Variants in EIF4B observed in about 807,000 individuals in gnomAD.
The protein encoded by EIF4B is eukaryotic translation initiation factor 4B.
EIF4B carries 8 observed loss-of-function variants against 79.3 expected under a neutral mutation model. The observed-to-expected ratio is 0.10, with a 90% CI of 0.06 to 0.18. The LOEUF (loss-of-function observed/expected upper bound fraction) is 0.18, where lower values mean the gene tolerates loss of function less well. EIF4B is among the 10% of genes least tolerant of loss of function. The pLI is 1.00. For missense variants in EIF4B, 515 were observed against 792.4 expected (o/e 0.65, Z 4.20); for synonymous variants, 238 against 274.7 (o/e 0.87, Z 1.32).
intron 1 of EIF4B, among the ~76,000 whole-genome samples, chr12:53,013,102 CTG>C (rs988532485): frequency 3.9e-5 from 6 of 152,198 alleles, no homozygotes; most frequent in East Asian, 1.9e-4. Context: ...AGTTGAGAAA[CTG>C]TGATCTACAA....
chr12:53,020,591 A>G (rs1263909135), intron 4 of EIF4B, among the ~76,000 whole-genome samples: 1 of 152,164 alleles, frequency 6.6e-6, no homozygotes, highest in Non-Finnish European at 1.5e-5. Flanking sequence ...CTCAGAAGAA[A>G]AAAGACTTTT....
At chr12:53,026,207 A>C (rs1827741319) in intron 6 of EIF4B, among the ~76,000 whole-genome samples, 1 of 152,190 alleles carries the variant, frequency 6.6e-6, no homozygotes, top group Admixed American at 6.5e-5. Flanking sequence ...TTAGAAATTC[A>C]GATTTTTTTT....
chr12:53,038,329 G>A (rs772129380), intron 11 of EIF4B, 27 bp from the exon 12 acceptor site: 3 of 1,559,140 alleles, frequency 1.9e-6, no homozygotes, highest in South Asian at 1.2e-5. Context: ...AACAACTGAT[G>A]AATGTGATTA....
In EIF4B at chr12:53,006,489, G is replaced by A; in HGVS notation, c.6G>A (p.Ala2=). 2 of 1,613,464 alleles carry A rather than the reference G, an allele frequency of 1.2e-6. No homozygotes were observed. The highest frequency in any genetic ancestry group is 1.7e-6 in the Non-Finnish European group (2 of 1,180,010). The change falls in exon 1 of 15, where the codon GCG becomes GCA. Residue 2 remains alanine, a synonymous_variant. Coordinates refer to ENST00000262056, the MANE Select transcript of EIF4B (RefSeq NM_001417.7). M[A]ASAKKKNKKG... is the part of the protein sequence containing the mutation. ...TTCTCTTTCCCTCTCCCAACATGGC[G>A]GCCTCAGGTGAGCGAGCAGCCGAGC...
chr12:53,039,207 C>T, intron 12 of EIF4B, 31 bp from the exon 13 acceptor site: 1 of 1,490,040 alleles, frequency 6.7e-7, no homozygotes, highest in Non-Finnish European at 9.2e-7. Flanking sequence ...TTTTACTTGC[C>T]TTTAATTTGT....
At chr12:53,018,635 G>A in intron 2 of EIF4B, 163 bp from the exon 3 acceptor site, 1 of 630,448 alleles carries the variant, frequency 1.6e-6, no homozygotes, top group African/African-American at 1.8e-5. Flanking sequence ...AATCTCAGAA[G>A]CTTCTCTTCG....
intron 5 of EIF4B, 173 bp downstream of exon 5, chr12:53,022,033 G>C (rs1319456489): frequency 1.4e-6 from 1 of 729,078 alleles, no homozygotes; most frequent in East Asian, 2.7e-5. Flanking sequence ...AGACATTGTA[G>C]TTGTCACAAT....
Position 53,022,596 on chromosome 12 carries a change from A to G in EIF4B, c.636A>G (p.Pro212=). ...RPATDSFDDY[P]PRRGDDSFGD... ...CTACAGACAGCTTTGATGACTACCCACCTAGAAGAGGTGATGATAGCTTTG... is the reference window on the plus strand; with the variant it reads ...CTACAGACAGCTTTGATGACTACCCGCCTAGAAGAGGTGATGATAGCTTTG... Residue 212 remains proline (P), a synonymous_variant, in exon 6 of 15, where the codon CCA becomes CCG. Transcript: ENST00000262056. 1 of 1,613,940 alleles carries G rather than the reference A, an allele frequency of 6.2e-7. No homozygotes were observed. The highest frequency in any genetic ancestry group is 8.5e-7 in the Non-Finnish European group (1 of 1,179,902).
At position 53,027,738 on chromosome 12, in the gene EIF4B, G is replaced by T. The variant is rs531630880; in HGVS notation, c.668-44G>T. On this transcript the variant is annotated intron_variant, in intron 6 of 14. Transcript: ENST00000262056. ...ATAGCTTACCGTGTTTCTATTAATGGTGTCAGAGAAAAGGGGATGGTGTTA... is the reference window on the plus strand; with the variant it reads ...ATAGCTTACCGTGTTTCTATTAATGTTGTCAGAGAAAAGGGGATGGTGTTA... 1.2e-4 allele frequency: 192 copies of T among 1,590,078 alleles called. 1 individual carries two copies. In the South Asian group the frequency reaches 2.0e-3, roughly 16 times the overall value.
intron 6 of EIF4B, among the ~76,000 whole-genome samples, chr12:53,027,516 G>T (rs1392179023): frequency 6.6e-6 from 1 of 151,980 alleles, no homozygotes; most frequent in Non-Finnish European, 1.5e-5. Context: ...TTAGTGTCTT[G>T]TGCTTTGTTT....
At chr12:53,012,955 G>C (rs765870556) in intron 1 of EIF4B, among the ~76,000 whole-genome samples, 1 of 152,116 alleles carries the variant, frequency 6.6e-6, no homozygotes, top group African/African-American at 2.4e-5. Flanking sequence ...CAGAGGAGGG[G>C]GAGACTTGTG....
chr12:53,026,074 T>C (rs1943329041), intron 6 of EIF4B, among the ~76,000 whole-genome samples: 1 of 151,936 alleles, frequency 6.6e-6, no homozygotes, highest in Admixed American at 6.6e-5. Context: ...CACTCCAGCT[T>C]GGGCGACAGA....
At chr12:53,014,169 C>T (rs530577101) in intron 1 of EIF4B, among the ~76,000 whole-genome samples, 5 of 151,740 alleles carry the variant, frequency 3.3e-5, no homozygotes, top group Admixed American at 6.6e-5. Context: ...CGTTGGCTCA[C>T]GTCTGTAATC....
chr12:53,014,471 A>G (rs568371839), intron 1 of EIF4B: 35 of 152,232 alleles, frequency 2.3e-4, no homozygotes, highest in African/African-American at 8.4e-4. Flanking sequence ...ATCATAAACA[A>G]TACTTTTGGA....
intron 8 of EIF4B, among the ~76,000 whole-genome samples, chr12:53,033,290 A>T (rs1483311943): frequency 6.7e-6 from 1 of 150,216 alleles, no homozygotes; most frequent in Non-Finnish European, 1.5e-5. Context: ...AAGTATCGGG[A>T]TTACAGACGT....
rs1283389451 is a variant in EIF4B at position 53,041,822 on chromosome 12, T to C, written c.*1599T>C. On this transcript the variant is annotated 3_prime_UTR_variant, in exon 15 of 15. Transcript: ENST00000262056. ...ACCAAGTGAATTTAAATAATTGGTG[T>C]GGATTGGCCAGTAGCTAAGAAGTGG... The C allele has an allele frequency of 8.3e-6, 1 of 120,814 alleles. No individual in the cohort carries two copies. Among genetic ancestry groups the C allele is most frequent in the South Asian group, 2.6e-4 (1 of 3,778 alleles). The allele number at this position is 120,814 out of a possible 1,614,324, so 7.5% of individuals were successfully genotyped here.
In EIF4B at chr12:53,041,843, A is replaced by C. The variant is rs1943644817; in HGVS notation, c.*1620A>C. 6.9e-6 allele frequency: 1 copy of C among 144,710 alleles called. No individual in the cohort carries two copies. The highest frequency in any genetic ancestry group is 2.4e-5 in the African/African-American group (1 of 40,970). The allele number at this position is 144,710 out of a possible 1,614,324, so 9.0% of individuals were successfully genotyped here. A position where few individuals can be genotyped will look rare whatever the true frequency, so the allele number is the denominator to read the frequency against. The stretch of plus-strand genomic sequence containing the variant: ...GGTGTGGATTGGCCAGTAGCTAAGA[A>C]GTGGGCTTTTAAAGAGTATTGAAGA... On this transcript the variant is annotated 3_prime_UTR_variant, in exon 15 of 15. Transcript: ENST00000262056.
chr12:53,026,708 C>T (rs1943340214), intron 6 of EIF4B, among the ~76,000 whole-genome samples: 1 of 151,966 alleles, frequency 6.6e-6, no homozygotes, highest in African/African-American at 2.4e-5. Context: ...CTCAAGTGAT[C>T]CTTCCACCTC....
At chr12:53,031,489 T>A (rs1943445884) in intron 8 of EIF4B, among the ~76,000 whole-genome samples, 2 of 152,170 alleles carry the variant, frequency 1.3e-5, no homozygotes, top group Admixed American at 6.6e-5. Flanking sequence ...TTGCCCAGGC[T>A]GGTTTTAAAC....
Sources: gnomAD v4.1 joint callset for allele counts (sites outside exome capture counted in the v4.1 genomes callset) on GRCh38, gnomAD v4.1.1 for gene constraint, MANE v1.5 for transcripts, NCBI Gene and HGNC (gene_info 2026-07-23, HGNC 2026-07-21) for gene names.